Variants in PRR11 observed in about 807,000 individuals in gnomAD.
PRR11 encodes proline rich 11, also known as proline-rich protein 11.
A neutral mutation model predicts 45.6 loss-of-function variants in PRR11; 30 were observed. The observed-to-expected ratio is 0.66, with a 90% CI of 0.49 to 0.89. PRR11 has a LOEUF of 0.89. Ranked by LOEUF, PRR11 falls within the 40% of genes least tolerant of loss-of-function variation. The pLI is 0.00. For synonymous variants in PRR11, 128 were observed against 153.5 expected (o/e 0.83, Z 1.23); for missense variants, 373 against 424.8 (o/e 0.88, Z 1.07).
At chr17:59,200,947 A>T (rs2622656) in intron 9 of PRR11, among the ~76,000 whole-genome samples, 38,129 of 150,378 alleles carry the variant, frequency 0.25, 5,298 homozygotes, top group Middle Eastern at 0.4. Flanking sequence ...TTTTTTTTTT[A>T]AATTTATTTT....
At position 59,189,915 on chromosome 17, in the gene PRR11, C is replaced by G. The variant is rs1178406103; in HGVS notation, c.403-3577C>G. 2.0e-5 allele frequency among the ~76,000 whole-genome samples: 3 copies of G among 151,954 alleles called. No individual in the cohort carries two copies. The East Asian group carries it at 5.8e-4, about 29-fold the overall frequency. The stretch of plus-strand genomic sequence containing the variant: ...GACTGAGGTGGGAAGATTCCTTGAG[C>G]CTCAGGACACTCCAGCCCACTGCAT... On this transcript the variant is annotated intron_variant, in intron 4 of 9. Transcript: ENST00000262293.
chr17:59,178,498 T>C (rs2046761861), intron 2 of PRR11: 2 of 524,626 alleles, frequency 3.8e-6, no homozygotes, highest in African/African-American at 1.9e-5. Context: ...CAAATCTTTG[T>C]CCCAGGCGAG....
At chr17:59,168,445 C>T (rs529394597) in intron 1 of PRR11, among the ~76,000 whole-genome samples, 79 of 152,052 alleles carry the variant, frequency 5.2e-4, no homozygotes, top group Admixed American at 3.1e-3. Flanking sequence ...GCTGGGATTA[C>T]AGACGTGAGC....
chr17:59,197,514 G>A, intron 7 of PRR11, 30 bp from the exon 8 acceptor site: 1 of 1,600,976 alleles, frequency 6.2e-7, no homozygotes, highest in Non-Finnish European at 8.6e-7. Context: ...GCCTCCCAAA[G>A]TTCTAATTTT....
chr17:59,173,504 G>A (rs1228205228), intron 2 of PRR11, among the ~76,000 whole-genome samples: 1 of 152,104 alleles, frequency 6.6e-6, no homozygotes, highest in Non-Finnish European at 1.5e-5. Flanking sequence ...GAACCCACCG[G>A]GAGGAACGAA....
chr17:59,186,920 G>A (rs1466762876), intron 4 of PRR11, among the ~76,000 whole-genome samples: 1 of 152,142 alleles, frequency 6.6e-6, no homozygotes, highest in African/African-American at 2.4e-5. Context: ...AGGTACAGTG[G>A]TACACACTTA....
rs1052393555 is a variant in PRR11, at chr17:59,204,055, T to G, written c.*2424T>G. The G allele has an allele frequency of 7.2e-5, 11 of 152,122 alleles. No individual in the cohort carries two copies. Among genetic ancestry groups the G allele is most frequent in the African/African-American group, 2.7e-4 (11 of 41,422 alleles). The allele number at this position is 152,122 out of a possible 1,614,324, so 9.4% of individuals were successfully genotyped here. On this transcript the variant is annotated 3_prime_UTR_variant, in exon 10 of 10. Transcript: ENST00000262293. ...TAAACCACTGTGTACTCTATTCATT[T>G]AATGCTAAATGACTTGACCATTCTT...
chr17:59,163,489 A>T (rs780980861), intron 1 of PRR11: 3 of 152,100 alleles, frequency 2.0e-5, no homozygotes, highest in Non-Finnish European at 4.4e-5. Flanking sequence ...TTATATGCTT[A>T]TTTTTTTAAG....
At position 59,177,551 on chromosome 17, in the gene PRR11, G is replaced by A. The variant is rs531164194; in HGVS notation, c.129-7503G>A. ...ATCAGGAGGGTCTTTTGTGTGCCAGGCAGAGAACTGTCCCAAAGAACTGAG... is the reference window on the plus strand; with the variant it reads ...ATCAGGAGGGTCTTTTGTGTGCCAGACAGAGAACTGTCCCAAAGAACTGAG... On this transcript the variant is annotated intron_variant, in intron 2 of 9. Transcript: ENST00000262293. Among the ~76,000 whole-genome samples, 6 of 152,236 alleles carry A rather than the reference G, an allele frequency of 3.9e-5. No homozygotes were observed. The East Asian group carries it at 1.2e-3, about 29-fold the overall frequency.
intron 2 of PRR11, among the ~76,000 whole-genome samples, chr17:59,183,207 A>G (rs141001061): frequency 1.1e-3 from 162 of 152,296 alleles, no homozygotes; most frequent in African/African-American, 3.8e-3. Context: ...ACCACCATCC[A>G]AAAGCATCTT....
chr17:59,176,684 CTTTTTTTTTTTTTTTTTT>C lies in PRR11; in HGVS notation c.128+6817_128+6834del, dbSNP rs71367676. 2.1e-4 allele frequency among the ~76,000 whole-genome samples: 8 copies of C among 39,002 alleles called. 1 individual carries two copies. In the South Asian group the frequency reaches 3.6e-3, roughly 18 times the overall value. 25.6% of individuals were successfully genotyped at this position (39,002 alleles called of 152,430 possible). A position where few individuals can be genotyped will look rare whatever the true frequency, so the allele number is the denominator to read the frequency against. On this transcript the variant is annotated intron_variant, in intron 2 of 9. Transcript: ENST00000262293. The stretch of plus-strand genomic sequence containing the variant: ...TGGCGTTGGAATTTGGTTTTTTTGG[CTTTTTTTTTTTTTTTTTT>C]TTTTTTTTTTTTGAGAAAAAGTCTC...
chr17:59,160,471 G>A (rs1432371292), intron 1 of PRR11, among the ~76,000 whole-genome samples: 4 of 152,078 alleles, frequency 2.6e-5, no homozygotes, highest in Non-Finnish European at 4.4e-5. Context: ...GGGTTTCACT[G>A]TGTTTGCCAG....
At position 59,173,538 on chromosome 17, in the gene PRR11, G is replaced by C. The variant is rs142714781; in HGVS notation, c.128+3658G>C. Among the ~76,000 whole-genome samples the C allele has an allele frequency of 6.2e-3, 946 of 152,158 alleles. 6 individuals are homozygous for C. Among genetic ancestry groups the C allele is most frequent in the African/African-American group, 0.021 (889 of 41,512 alleles). On this transcript the variant is annotated intron_variant, in intron 2 of 9. Transcript: ENST00000262293. Reference sequence around the variant, plus strand: ...AATAACTCCAGACGCCCTGCCTTAAGAGCTGTAACACTCACCGCGAAGGTC... The same window carrying C: ...AATAACTCCAGACGCCCTGCCTTAACAGCTGTAACACTCACCGCGAAGGTC...
In PRR11 at chr17:59,206,463, T is replaced by A. The variant is rs531290708; in HGVS notation, c.*4832T>A. 6.6e-6 allele frequency among the ~76,000 whole-genome samples: 1 copy of A among 152,220 alleles called. No homozygotes were observed. Among genetic ancestry groups the A allele is most frequent in the African/African-American group, 2.4e-5 (1 of 41,460 alleles). On this transcript the variant is annotated 3_prime_UTR_variant, in exon 10 of 10. Transcript: ENST00000262293. Reference sequence around the variant, plus strand: ...TATAGACAAACATTTGCAAAGCTGCTACTGCCATTGTACCAGTGTTAAAAT... The same window carrying A: ...TATAGACAAACATTTGCAAAGCTGCAACTGCCATTGTACCAGTGTTAAAAT...
chr17:59,187,877 A>T (rs1254035724), intron 4 of PRR11, among the ~76,000 whole-genome samples: 1 of 151,958 alleles, frequency 6.6e-6, no homozygotes, highest in Non-Finnish European at 1.5e-5. Flanking sequence ...AAAAAAAAAA[A>T]AAGTGTGTCA....
Position 59,171,202 on chromosome 17 carries a change from GCAGTGAGCCGAGA to G in PRR11, c.128+1328_128+1340del, listed in dbSNP as rs543998223. On this transcript the variant is annotated intron_variant, in intron 2 of 9. Transcript: ENST00000262293. ...GGCGTGAGCCCGGGAGGCAGAGCTT[GCAGTGAGCCGAGA>G]CAGTGCCACTGCGCTCCAGCCTGGG... Among the ~76,000 whole-genome samples the G allele has an allele frequency of 9.8e-4, 149 of 152,292 alleles. 1 individual carries two copies. The East Asian group carries it at 0.027, about 28-fold the overall frequency.
At chr17:59,194,267 TCACACACACACACACACACA>T (rs57853873) in intron 5 of PRR11, among the ~76,000 whole-genome samples, 2 of 141,166 alleles carry the variant, frequency 1.4e-5, no homozygotes, top group Non-Finnish European at 3.1e-5. Flanking sequence ...TTCCCAATCC[TCACACACACACACACACACA>T]CACACACACA....
At position 59,197,750 on chromosome 17, in the gene PRR11, G is replaced by C; in HGVS notation, c.975G>C (p.Leu325=). 1 of 1,613,946 alleles carries C rather than the reference G, an allele frequency of 6.2e-7. No individual in the cohort carries two copies. The highest frequency in any genetic ancestry group is 8.5e-7 in the Non-Finnish European group (1 of 1,180,006). Residue 325 remains leucine, a synonymous_variant, in exon 9 of 10, where the codon CTG becomes CTC. Transcript: ENST00000262293. ...AAAATATGGAAACAGGAACAGGACT[G>C]ACTCCAGTGATGACGCAGGCCTTAA... ...NKENMETGTG[L]TPVMTQALRR...
chr17:59,161,804 G>A (rs1264564482), intron 1 of PRR11, among the ~76,000 whole-genome samples: 1 of 152,116 alleles, frequency 6.6e-6, no homozygotes, highest in Non-Finnish European at 1.5e-5. Context: ...TCTATTCAGT[G>A]TTAACAATTA....
Sources: gnomAD v4.1 joint callset for allele counts (sites outside exome capture counted in the v4.1 genomes callset) on GRCh38, gnomAD v4.1.1 for gene constraint, MANE v1.5 for transcripts, NCBI Gene and HGNC (gene_info 2026-07-23, HGNC 2026-07-21) for gene names.